Variants in INSC observed in about 807,000 individuals in gnomAD.
INSC encodes the protein INSC spindle orientation adaptor protein.
In INSC, 67 loss-of-function variants were observed where a neutral mutation model predicts 58.6. That is an observed-to-expected ratio of 1.14 (90% CI 0.94 to 1.40). The LOEUF is 1.40. Ranked by LOEUF, INSC falls within the 40% of genes most tolerant of loss-of-function variation. The pLI is 0.00. For missense variants in INSC, 714 were observed against 692.0 expected (o/e 1.03, Z -0.36); for synonymous variants, 262 against 276.1 (o/e 0.95, Z 0.51).
intron 8 of INSC, among the ~76,000 whole-genome samples, chr11:15,222,998 C>T (rs1851502827): frequency 1.3e-5 from 2 of 152,232 alleles, no homozygotes; most frequent in African/African-American, 4.8e-5. Context: ...CCAGGAGTCT[C>T]ATATTCAACA....
intron 1 of INSC, among the ~76,000 whole-genome samples, chr11:15,131,981 C>T (rs867953952): frequency 9.9e-5 from 15 of 152,000 alleles, no homozygotes; most frequent in Non-Finnish European, 5.9e-5. Flanking sequence ...TTGATATTCC[C>T]TTTTACATAC....
chr11:15,190,204 C>G (rs961932293), intron 5 of INSC, among the ~76,000 whole-genome samples: 5 of 152,204 alleles, frequency 3.3e-5, no homozygotes, highest in African/African-American at 9.6e-5. Flanking sequence ...AAGCAGTAAA[C>G]TACTGTGGAG....
At chr11:15,207,198 C>A (rs1461247458) in intron 7 of INSC, among the ~76,000 whole-genome samples, 1 of 152,140 alleles carries the variant, frequency 6.6e-6, no homozygotes, top group East Asian at 1.9e-4. Flanking sequence ...ACTCAAAGCC[C>A]AAGGCTCAGA....
chr11:15,150,776 T>A (rs1215137007), intron 2 of INSC, among the ~76,000 whole-genome samples: 1 of 152,208 alleles, frequency 6.6e-6, no homozygotes, highest in East Asian at 1.9e-4. Flanking sequence ...GATGCTTTCA[T>A]ATTTAAAAAC....
chr11:15,167,014 G>T (rs1177143543), intron 2 of INSC, among the ~76,000 whole-genome samples: 3 of 151,946 alleles, frequency 2.0e-5, no homozygotes, highest in South Asian at 2.1e-4. Context: ...GTACTGTAAA[G>T]GTTCAATAAA....
intron 11 of INSC, 93 bp downstream of exon 11, chr11:15,239,167 G>A: frequency 1.4e-6 from 2 of 1,446,906 alleles, no homozygotes; most frequent in Non-Finnish European, 9.3e-7. Flanking sequence ...TGGACACAGG[G>A]CAAGAGCTGG....
At chr11:15,243,065 G>A (rs1318439390) in intron 12 of INSC, among the ~76,000 whole-genome samples, 4 of 152,150 alleles carry the variant, frequency 2.6e-5, no homozygotes, top group African/African-American at 7.2e-5. Flanking sequence ...CCAGCATTTT[G>A]TATATCCATG....
chr11:15,231,051 GC>G (rs1470824181), intron 9 of INSC, among the ~76,000 whole-genome samples: 1 of 152,168 alleles, frequency 6.6e-6, no homozygotes, highest in Non-Finnish European at 1.5e-5. Context: ...TGGGCCCTGG[GC>G]CATGTCTGCC....
In INSC at chr11:15,177,108, C is replaced by T. The variant is rs1482274274; in HGVS notation, c.403-3C>T. On this transcript the variant is annotated splice_polypyrimidine_tract_variant and splice_region_variant and intron_variant, in intron 3 of 12. Coordinates refer to ENST00000379556, the MANE Select transcript of INSC (RefSeq NM_001042536.3). ...TGAATAAAATGGACTTATTTTTCTA[C>T]AGATTGAGAAGCTGCTAATGGAGAA... 6 of 1,613,472 alleles carry T rather than the reference C, an allele frequency of 3.7e-6. No homozygotes were observed. Among genetic ancestry groups the T allele is most frequent in the Admixed American group, 3.3e-5 (2 of 59,992 alleles).
the INSC span, among the ~76,000 whole-genome samples, chr11:15,266,131 G>A: frequency 6.6e-6 from 1 of 151,828 alleles, no homozygotes; most frequent in African/African-American, 2.4e-5. Context: ...ATGTGGAGAA[G>A]AAGTAATCTA....
intron 11 of INSC, among the ~76,000 whole-genome samples, chr11:15,239,593 G>A (rs747679900): frequency 5.3e-5 from 8 of 152,144 alleles, no homozygotes; most frequent in African/African-American, 1.2e-4. Flanking sequence ...TGTTCTGAGC[G>A]CTGGGCATGT....
intron 1 of INSC, among the ~76,000 whole-genome samples, chr11:15,122,890 A>G (rs1005922405): frequency 1.3e-5 from 2 of 152,152 alleles, no homozygotes; most frequent in African/African-American, 2.4e-5. Flanking sequence ...CTTCCTTAAA[A>G]GTACATTAGT....
chr11:15,251,286 G>A (rs1945601), downstream of INSC, among the ~76,000 whole-genome samples: 19,370 of 152,222 alleles, frequency 0.13, 1,393 homozygotes, highest in Middle Eastern at 0.17. Flanking sequence ...AAGTATAAGA[G>A]CTAACACTAT....
chr11:15,161,784 A>T (rs1849029561), intron 2 of INSC, among the ~76,000 whole-genome samples: 1 of 152,202 alleles, frequency 6.6e-6, no homozygotes, highest in South Asian at 2.1e-4. Context: ...TCAGCATGGG[A>T]TTCAGAGGCA....
At chr11:15,182,128 G>C (rs1251069591) in intron 5 of INSC, among the ~76,000 whole-genome samples, 1 of 152,074 alleles carries the variant, frequency 6.6e-6, no homozygotes, top group Non-Finnish European at 1.5e-5. Flanking sequence ...GGTTCAAAAA[G>C]CCCTTAATTC....
At chr11:15,236,302 G>A (rs923780463) in intron 10 of INSC, among the ~76,000 whole-genome samples, 1 of 151,850 alleles carries the variant, frequency 6.6e-6, no homozygotes, top group Non-Finnish European at 1.5e-5. Context: ...GGGTGGGGGG[G>A]TGGTGGTTGC....
intron 12 of INSC, 115 bp downstream of exon 12, chr11:15,240,638 C>A: frequency 1.3e-6 from 1 of 752,864 alleles, no homozygotes. Context: ...CCTCTCTGGG[C>A]TTTAGCTTTT....
chr11:15,149,000 A>G, intron 1 of INSC, 130 bp from the exon 2 acceptor site: 1 of 1,155,068 alleles, frequency 8.7e-7, no homozygotes, highest in Non-Finnish European at 1.1e-6. Context: ...AACTGGTTCA[A>G]CAGAAGAAGA....
chr11:15,225,584 C>A, intron 8 of INSC, 66 bp from the exon 9 acceptor site: 1 of 1,495,494 alleles, frequency 6.7e-7, no homozygotes. Context: ...ATTGTGTGAA[C>A]CAAATGAGAC....
Sources: allele counts gnomAD v4.1 joint callset (sites outside exome capture counted in the v4.1 genomes callset), GRCh38; gene constraint gnomAD v4.1.1; transcripts MANE v1.5; gene names NCBI Gene and HGNC (gene_info 2026-07-23, HGNC 2026-07-21).